DPP10: variants seen among roughly 807,000 people sequenced by gnomAD.
The protein encoded by DPP10 is dipeptidyl peptidase like 10, also known as inactive dipeptidyl peptidase 10.
DPP10 carries 33 observed loss-of-function variants against 120.9 expected under a neutral mutation model. The ratio of observed to expected loss-of-function variants is 0.27; its 90% CI spans 0.21 to 0.37. The LOEUF (loss-of-function observed/expected upper bound fraction) is 0.37. Among genes scored for constraint, DPP10 ranks in the 10% least tolerant of loss-of-function variants. The pLI is 1.00. For missense variants in DPP10, 816 were observed against 942.8 expected (o/e 0.87, Z 1.76); for synonymous variants, 337 against 326.1 (o/e 1.03, Z -0.36).
At chr2:114,592,195 T>C (rs1252434685) in intron 1 of DPP10, among the ~76,000 whole-genome samples, 1 of 152,194 alleles carries the variant, frequency 6.6e-6, no homozygotes, top group African/African-American at 2.4e-5. Flanking sequence ...GGAGGACTTG[T>C]GACTTCTGAG....
chr2:115,231,043 A>C, intron 1 of DPP10, among the ~76,000 whole-genome samples: 1 of 152,048 alleles, frequency 6.6e-6, no homozygotes, highest in East Asian at 1.9e-4. Flanking sequence ...AAAAGAGGAA[A>C]GAAAAATATA....
chr2:115,157,253 A>G (rs2051982781), intron 1 of DPP10, among the ~76,000 whole-genome samples: 1 of 151,748 alleles, frequency 6.6e-6, no homozygotes, highest in Non-Finnish European at 1.5e-5. Context: ...GCAAAAAAAA[A>G]AAAAAAAAGA....
intron 1 of DPP10, among the ~76,000 whole-genome samples, chr2:114,804,779 G>A (rs1362264465): frequency 6.6e-6 from 1 of 152,184 alleles, no homozygotes; most frequent in Non-Finnish European, 1.5e-5. Context: ...GACTTGCCTT[G>A]TCTCAGATGA....
At chr2:115,590,696 T>C (rs1237605128) in intron 5 of DPP10, among the ~76,000 whole-genome samples, 11 of 152,102 alleles carry the variant, frequency 7.2e-5, no homozygotes, top group Admixed American at 6.6e-5. Context: ...AATGGGATGG[T>C]TGGGTCAAAT....
intron 1 of DPP10, among the ~76,000 whole-genome samples, chr2:115,182,027 A>G (rs2054114937): frequency 6.6e-6 from 1 of 152,214 alleles, no homozygotes; most frequent in African/African-American, 2.4e-5. Flanking sequence ...TGATGCTTAA[A>G]AAGATAAGAA....
chr2:114,606,429 C>T (rs1390910645), intron 1 of DPP10, among the ~76,000 whole-genome samples: 1 of 152,082 alleles, frequency 6.6e-6, no homozygotes, highest in Non-Finnish European at 1.5e-5. Context: ...TCTGCCTTAT[C>T]CCTAAAGGAT....
At chr2:115,353,889 A>C (rs1048326628) in intron 3 of DPP10, among the ~76,000 whole-genome samples, 1 of 152,188 alleles carries the variant, frequency 6.6e-6, no homozygotes, top group African/African-American at 2.4e-5. Flanking sequence ...TCATGAAACT[A>C]ACATTTGACA....
chr2:114,577,841 A>G (rs1690184459), intron 1 of DPP10, among the ~76,000 whole-genome samples: 1 of 152,092 alleles, frequency 6.6e-6, no homozygotes, highest in Non-Finnish European at 1.5e-5. Flanking sequence ...TCTTGCCTTT[A>G]TTATCACGTG....
intron 1 of DPP10, among the ~76,000 whole-genome samples, chr2:114,962,174 TG>T (rs1698690856): frequency 6.6e-6 from 1 of 152,142 alleles, no homozygotes; most frequent in African/African-American, 2.4e-5. Context: ...GCTTTATCAC[TG>T]AAAAAAATAG....
intron 1 of DPP10, among the ~76,000 whole-genome samples, chr2:114,699,272 T>C (rs555341938): frequency 6.6e-6 from 1 of 151,900 alleles, no homozygotes; most frequent in African/African-American, 2.4e-5. Flanking sequence ...TACATATGCA[T>C]GCAATCATAT....
intron 1 of DPP10, among the ~76,000 whole-genome samples, chr2:115,002,573 A>T (rs1350068333): frequency 6.6e-6 from 1 of 152,132 alleles, no homozygotes; most frequent in African/African-American, 2.4e-5. Context: ...ATCAATAAAC[A>T]AACAACCTAT....
At chr2:115,568,222 C>T (rs941822020) in intron 5 of DPP10, among the ~76,000 whole-genome samples, 3 of 150,560 alleles carry the variant, frequency 2.0e-5, no homozygotes, top group Admixed American at 6.6e-5. Flanking sequence ...CAGTGGCTCT[C>T]GCCTGTAATC....
chr2:114,798,280 G>A (rs532881656), intron 1 of DPP10, among the ~76,000 whole-genome samples: 284 of 152,200 alleles, frequency 1.9e-3, no homozygotes, highest in Admixed American at 3.1e-3. Context: ...GTCAGTGTTG[G>A]TTCTTAGTTT....
intron 1 of DPP10, among the ~76,000 whole-genome samples, chr2:114,450,589 A>G (rs933254295): frequency 3.9e-5 from 6 of 152,138 alleles, no homozygotes; most frequent in Non-Finnish European, 8.8e-5. Flanking sequence ...TCAGAAATAT[A>G]TTGGTCTTTG....
intron 1 of DPP10, among the ~76,000 whole-genome samples, chr2:115,207,003 A>C (rs760858157): frequency 6.6e-6 from 1 of 152,200 alleles, no homozygotes; most frequent in Non-Finnish European, 1.5e-5. Flanking sequence ...GATTGTCAAC[A>C]AGTGTTTCGT....
At chr2:114,619,865 G>A (rs907071133) in intron 1 of DPP10, among the ~76,000 whole-genome samples, 1 of 151,722 alleles carries the variant, frequency 6.6e-6, no homozygotes, top group Admixed American at 6.6e-5. Flanking sequence ...ATCCCTACTG[G>A]CACCACATTC....
At chr2:115,836,085 A>T (rs1689460358) in intron 21 of DPP10, 72 bp from the exon 22 acceptor site, 1 of 801,660 alleles carries the variant, frequency 1.2e-6, no homozygotes, top group Non-Finnish European at 1.7e-6. Flanking sequence ...TTATATATAA[A>T]TTTGTGTGTG....
rs555099815 is a variant in DPP10 at position 114,984,879 on chromosome 2, C to A, written c.61-324360C>A. On this transcript the variant is annotated intron_variant, in intron 1 of 25. Coordinates refer to ENST00000410059, the MANE Select transcript of DPP10 (RefSeq NM_020868.6). ...TGGTCCTCTCTTCCCAAGAGCTCAG[C>A]CTTGGCCCCAGCTATGTGTCCATTT... Among the ~76,000 whole-genome samples, 7 of 152,264 alleles carry A rather than the reference C, an allele frequency of 4.6e-5. No individual in the cohort carries two copies. In the South Asian group the frequency reaches 1.2e-3, roughly 27 times the overall value.
Position 115,596,056 on chromosome 2 carries a change from C to T in DPP10, c.441+70084C>T, listed in dbSNP as rs2082968012. On this transcript the variant is annotated intron_variant, in intron 5 of 25. Transcript: ENST00000410059. ...GGACAGAGCTGCAGATAATGCCTTACCCTTTCCTGCATAGCCAGGAGGCAT... is the reference window on the plus strand; with the variant it reads ...GGACAGAGCTGCAGATAATGCCTTATCCTTTCCTGCATAGCCAGGAGGCAT... 2.6e-5 allele frequency among the ~76,000 whole-genome samples: 4 copies of T among 152,218 alleles called. No homozygotes were observed. The South Asian group carries it at 8.3e-4, about 32-fold the overall frequency.
Sources: gnomAD v4.1 joint callset for allele counts (sites outside exome capture counted in the v4.1 genomes callset) on GRCh38, gnomAD v4.1.1 for gene constraint, MANE v1.5 for transcripts, NCBI Gene and HGNC (gene_info 2026-07-23, HGNC 2026-07-21) for gene names.